The following GLCCI1 variants were observed in gnomAD, a reference collection of about 807,000 sequenced individuals.
GLCCI1 encodes glucocorticoid induced 1.
GLCCI1 carries 24 observed loss-of-function variants against 52.2 expected under a neutral mutation model. The ratio of observed to expected loss-of-function variants is 0.46; its 90% CI spans 0.33 to 0.65. The LOEUF (loss-of-function observed/expected upper bound fraction) is 0.65, where lower values mean the gene tolerates loss of function less well. Among genes scored for constraint, GLCCI1 ranks in the 30% least tolerant of loss-of-function variants. The pLI, the probability that GLCCI1 is intolerant of heterozygous loss-of-function variation, is 0.02. For synonymous variants in GLCCI1, 310 were observed against 276.5 expected, an observed-to-expected ratio of 1.12 and a Z score of -1.20; for missense variants, 704 against 701.5, an observed-to-expected ratio of 1.00 and a Z score of -0.04.
intron 3 of GLCCI1, among the ~76,000 whole-genome samples, chr7:8,023,877 G>T (rs1781555553): frequency 6.6e-6 from 1 of 151,972 alleles, no homozygotes; most frequent in Non-Finnish European, 1.5e-5. Flanking sequence ...GAGATTACAG[G>T]CATGAACCAC....
At chr7:8,069,835 CA>C (rs1782715433) in intron 5 of GLCCI1, among the ~76,000 whole-genome samples, 2 of 152,080 alleles carry the variant, frequency 1.3e-5, no homozygotes, top group Non-Finnish European at 2.9e-5. Flanking sequence ...TCTGAAATGA[CA>C]ATGATCAGAG....
chr7:7,996,624 G>A (rs965367210), intron 1 of GLCCI1, among the ~76,000 whole-genome samples: 1 of 152,190 alleles, frequency 6.6e-6, no homozygotes, highest in East Asian at 1.9e-4. Flanking sequence ...TATTGGGTGA[G>A]CTGTAACCTA....
At chr7:8,033,583 A>C (rs1781804165) in intron 3 of GLCCI1, among the ~76,000 whole-genome samples, 1 of 152,142 alleles carries the variant, frequency 6.6e-6, no homozygotes, top group Non-Finnish European at 1.5e-5. Context: ...ACAGAGATCA[A>C]TTATATTTCT....
chr7:8,041,440 T>C (rs1475948047), intron 3 of GLCCI1, among the ~76,000 whole-genome samples: 1 of 152,220 alleles, frequency 6.6e-6, no homozygotes, highest in African/African-American at 2.4e-5. Context: ...GCTGAGATCA[T>C]TGATGAAAGT....
intron 1 of GLCCI1, among the ~76,000 whole-genome samples, chr7:7,998,533 G>T (rs748537084): frequency 6.6e-6 from 1 of 152,088 alleles, no homozygotes; most frequent in Non-Finnish European, 1.5e-5. Flanking sequence ...AGCTTTTATT[G>T]TAACTACTTT....
chr7:8,041,570 A>G (rs112022747), intron 3 of GLCCI1, among the ~76,000 whole-genome samples: 5,100 of 152,264 alleles, frequency 0.033, 271 homozygotes, highest in African/African-American at 0.11. Context: ...TTTAAAGGAC[A>G]GGCTGACTCT....
intron 1 of GLCCI1, among the ~76,000 whole-genome samples, chr7:7,976,932 A>C (rs1780484679): frequency 6.6e-6 from 1 of 151,940 alleles, no homozygotes; most frequent in Non-Finnish European, 1.5e-5. Context: ...AAAAAAAAAA[A>C]AAAAGTTAAG....
At chr7:8,063,260 C>T (rs561222625) in intron 5 of GLCCI1, among the ~76,000 whole-genome samples, 24 of 152,262 alleles carry the variant, frequency 1.6e-4, no homozygotes, top group African/African-American at 5.3e-4. Flanking sequence ...GCCTCAGCCT[C>T]CCAAATGGCT....
At chr7:7,992,467 A>G (rs967454223) in intron 1 of GLCCI1, among the ~76,000 whole-genome samples, 1 of 152,002 alleles carries the variant, frequency 6.6e-6, no homozygotes, top group African/African-American at 2.4e-5. Context: ...AGTTCTTGCT[A>G]GTTATGTAGC....
chr7:8,065,037 A>G (rs534457117), intron 5 of GLCCI1, among the ~76,000 whole-genome samples: 2 of 152,030 alleles, frequency 1.3e-5, no homozygotes, highest in South Asian at 4.2e-4. Flanking sequence ...TTTTAACAAT[A>G]TTTATACTTC....
rs1273219174 is a variant in GLCCI1 at position 8,087,401 on chromosome 7, G to T, written c.*863G>T. 6.6e-6 allele frequency: 1 copy of T among 152,658 alleles called. No individual in the cohort carries two copies. The highest frequency in any genetic ancestry group is 1.9e-4 in the East Asian group (1 of 5,206). The allele number at this position is 152,658 out of a possible 1,614,324, so 9.5% of individuals were successfully genotyped here. A position where few individuals can be genotyped will look rare whatever the true frequency, so the allele number is the denominator to read the frequency against. ...TTGCTCAGTAAAGGACTGTGACAAT[G>T]TTGCAAATAAAGTGTTCAGTACTGG... On this transcript the variant is annotated 3_prime_UTR_variant, in exon 8 of 8. Transcript: ENST00000223145.
chr7:8,015,654 A>G (rs907714163), intron 2 of GLCCI1, among the ~76,000 whole-genome samples: 2 of 152,176 alleles, frequency 1.3e-5, no homozygotes, highest in Admixed American at 6.5e-5. Context: ...TTAGGGAGTA[A>G]TTTCTTTGGT....
At chr7:7,992,725 T>C (rs1227747499) in intron 1 of GLCCI1, among the ~76,000 whole-genome samples, 17 of 152,174 alleles carry the variant, frequency 1.1e-4, no homozygotes, top group Non-Finnish European at 1.5e-5. Context: ...CTTCTTTGCC[T>C]ATGTTACATA....
intron 1 of GLCCI1, among the ~76,000 whole-genome samples, chr7:7,975,498 C>T (rs1780445183): frequency 6.6e-6 from 1 of 152,258 alleles, no homozygotes; most frequent in East Asian, 1.9e-4. Context: ...ATTCCAGATC[C>T]AGTGTTCATT....
chr7:8,053,170 T>A (rs1440289570), intron 3 of GLCCI1, among the ~76,000 whole-genome samples: 2 of 150,008 alleles, frequency 1.3e-5, no homozygotes, highest in African/African-American at 2.5e-5. Context: ...CTGTTTTTTC[T>A]TCATTTAATT....
At chr7:8,033,214 TAA>T (rs34569855) in intron 3 of GLCCI1, among the ~76,000 whole-genome samples, 15 of 148,102 alleles carry the variant, frequency 1.0e-4, no homozygotes, top group African/African-American at 3.4e-4. Flanking sequence ...CATTCATGAT[TAA>T]AAAAAAAAAT....
Position 7,969,491 on chromosome 7 carries a change from C to A in GLCCI1, c.141C>A (p.Gly47=), listed in dbSNP as rs552933583. The A allele has an allele frequency of 1.9e-5, 19 of 1,019,342 alleles. No individual in the cohort carries two copies. The highest frequency in any genetic ancestry group is 1.9e-5 in the Non-Finnish European group (16 of 854,670). 63.1% of individuals were successfully genotyped at this position (1,019,342 alleles called of 1,614,324 possible). ...GCGGGAACGGTGCGGGCGGCGGCGG[C>A]GGCGTGGGCTGCGCCCCGGCTGCGG... The part of the protein sequence containing the change: ...AGSGNGAGGG[G]GVGCAPAAGA... The change falls in exon 1 of 8, where the codon GGC becomes GGA. Residue 47 remains glycine, a synonymous_variant. Coordinates refer to ENST00000223145, the MANE Select transcript of GLCCI1 (RefSeq NM_138426.4). This position sits in a 1 kb window ranked among gnomAD's most constrained non-coding sequence, Gnocchi z 4.9.
intron 3 of GLCCI1, among the ~76,000 whole-genome samples, chr7:8,050,310 A>G (rs1037446718): frequency 3.3e-5 from 5 of 152,172 alleles, no homozygotes; most frequent in Non-Finnish European, 7.4e-5. Flanking sequence ...GCTTACTGAC[A>G]CTTTAAAGAA....
intron 5 of GLCCI1, among the ~76,000 whole-genome samples, chr7:8,062,302 C>T (rs1268411961): frequency 6.6e-6 from 1 of 152,138 alleles, no homozygotes; most frequent in African/African-American, 2.4e-5. Flanking sequence ...GGAAAATTGT[C>T]TGGTTAACTA....
Sources: gnomAD v4.1 joint callset for allele counts (sites outside exome capture counted in the v4.1 genomes callset) on GRCh38, gnomAD v4.1.1 for gene constraint, Gnocchi (gnomAD v3.1) non-coding constraint, MANE v1.5 for transcripts, NCBI Gene and HGNC (gene_info 2026-07-23, HGNC 2026-07-21) for gene names.